The following KLF8 variants were observed in gnomAD, a reference collection of about 807,000 sequenced individuals.
KLF8 encodes Krueppel-like factor 8.
KLF8 carries 10 observed loss-of-function variants against 18.2 expected under a neutral mutation model. The ratio of observed to expected loss-of-function variants is 0.55; its 90% CI spans 0.34 to 0.93. The LOEUF (loss-of-function observed/expected upper bound fraction) is 0.93, where lower values mean the gene tolerates loss of function less well. Among genes scored for constraint, KLF8 ranks in the 40% least tolerant of loss-of-function variants. The pLI is 0.02. For synonymous variants in KLF8, 109 were observed against 97.3 expected (o/e 1.12, Z -0.71); for missense variants, 264 against 277.9 (o/e 0.95, Z 0.36).
the KLF8 span, among the ~76,000 whole-genome samples, chrX:55,993,255 T>G: frequency 8.9e-6 from 1 of 111,769 alleles, no homozygotes; most frequent in South Asian, 3.7e-4. Context: ...TTGCTGTTAT[T>G]ATTTTGACGT....
chrX:56,188,220 C>T, the KLF8 span, among the ~76,000 whole-genome samples: 1 of 111,356 alleles, frequency 9.0e-6, no homozygotes, highest in Non-Finnish European at 1.9e-5. Flanking sequence ...TTCTTATACA[C>T]CAATAACAGA....
the KLF8 span, among the ~76,000 whole-genome samples, chrX:56,084,074 A>G: frequency 4.5e-5 from 5 of 111,894 alleles, no homozygotes; most frequent in East Asian, 2.8e-4. Context: ...TAAAATTGTC[A>G]CTATAAAAAG....
chrX:55,988,771 G>T, the KLF8 span, among the ~76,000 whole-genome samples: 12 of 111,622 alleles, frequency 1.1e-4, no homozygotes, highest in East Asian at 3.4e-3. Context: ...GGATGGCATT[G>T]AATCTTTAAA....
At position 56,265,224 on chromosome X, in the gene KLF8, C is replaced by A. The variant is rs764820126; in HGVS notation, c.126C>A (p.Tyr42Ter). 1 of 1,207,371 alleles carries A rather than the reference C, an allele frequency of 8.3e-7. No homozygotes were observed. The change falls in exon 3 of 6, where the codon TAC becomes TAA. Residue 42 changes from tyrosine (Y) to a stop codon, truncating the protein, a stop_gained. Transcript: ENST00000468660. LOFTEE classifies it high-confidence loss of function. Reference sequence around the variant, plus strand: ...ACAGAGATCCCCCTGAGATAGAATACAGAAGTAATATGACTTCTCCAACAC... The same window carrying A: ...ACAGAGATCCCCCTGAGATAGAATAAAGAAGTAATATGACTTCTCCAACAC... ...VRNRDPPEIE[Y>*]RSNMTSPTLL...
intron 1 of KLF8, among the ~76,000 whole-genome samples, chrX:56,244,476 C>T (rs1345578014): frequency 8.9e-6 from 1 of 112,036 alleles, no homozygotes; most frequent in Non-Finnish European, 1.9e-5. Context: ...GCATGAGCCA[C>T]TGTGCCAGGC....
the KLF8 span, among the ~76,000 whole-genome samples, chrX:56,110,563 A>AT: frequency 1.0e-4 from 11 of 110,329 alleles, no homozygotes; most frequent in East Asian, 5.7e-4. Context: ...TTTTTGTTTG[A>AT]TTTTTTCTAG....
the KLF8 span, among the ~76,000 whole-genome samples, chrX:56,069,627 G>T: frequency 3.6e-5 from 4 of 111,366 alleles, no homozygotes; most frequent in Non-Finnish European, 5.7e-5. Flanking sequence ...TTGCTAAGGG[G>T]TGCAGCCCCC....
the KLF8 span, among the ~76,000 whole-genome samples, chrX:56,145,105 G>A: frequency 1.2e-4 from 13 of 111,209 alleles, no homozygotes; most frequent in African/African-American, 3.9e-4. Context: ...AATGCATAGA[G>A]AACTTTTAAA....
the KLF8 span, among the ~76,000 whole-genome samples, chrX:56,095,368 C>T: frequency 8.9e-6 from 1 of 112,462 alleles, no homozygotes; most frequent in Admixed American, 9.4e-5. Flanking sequence ...TATAAGAACA[C>T]TAGAAGAAAA....
At chrX:56,148,685 A>G in the KLF8 span, among the ~76,000 whole-genome samples, 1 of 112,079 alleles carries the variant, frequency 8.9e-6, no homozygotes, top group African/African-American at 3.2e-5. Flanking sequence ...AGATAAAGAA[A>G]AAGCCAAGGG....
chrX:55,923,844 G>A, the KLF8 span, among the ~76,000 whole-genome samples: 1 of 109,903 alleles, frequency 9.1e-6, no homozygotes, highest in African/African-American at 3.3e-5. Context: ...TTTGGATTCA[G>A]CAAATACTTA....
chrX:55,925,500 C>T, the KLF8 span, among the ~76,000 whole-genome samples: 28 of 111,181 alleles, frequency 2.5e-4, no homozygotes, highest in African/African-American at 9.2e-4. Context: ...TGCCAGGCAC[C>T]ATGCCAAGCA....
At chrX:56,233,905 T>C (rs559243203) in intron 1 of KLF8, among the ~76,000 whole-genome samples, 1 of 111,406 alleles carries the variant, frequency 9.0e-6, no homozygotes, top group South Asian at 3.7e-4. Flanking sequence ...GGGCTGAGCT[T>C]GGTTGGAGAA....
At chrX:56,151,322 A>G in the KLF8 span, among the ~76,000 whole-genome samples, 1 of 111,937 alleles carries the variant, frequency 8.9e-6, no homozygotes, top group East Asian at 2.8e-4. Flanking sequence ...GTACAACTAT[A>G]GAAGTATTCT....
Position 56,233,354 on chromosome X carries a change from G to A in KLF8, c.7+13G>A, listed in dbSNP as rs2066425287. 1 of 1,147,398 alleles carries A rather than the reference G, an allele frequency of 8.7e-7. No individual in the cohort carries two copies. The highest frequency in any genetic ancestry group is 1.2e-6 in the Non-Finnish European group (1 of 836,901). The allele number at this position is 1,147,398 out of a possible 1,213,427, so 94.6% of individuals were successfully genotyped here. A position where few individuals can be genotyped will look rare whatever the true frequency, so the allele number is the denominator to read the frequency against. On this transcript the variant is annotated intron_variant, in intron 1 of 5. Coordinates refer to ENST00000468660, the MANE Select transcript of KLF8 (RefSeq NM_007250.5). Reference sequence around the variant, plus strand: ...AGTGACATGGTCGGTAAGTGACTCTGGGACTAATACCCACCCACTCCCACC... The same window carrying A: ...AGTGACATGGTCGGTAAGTGACTCTAGGACTAATACCCACCCACTCCCACC...
At chrX:56,124,397 A>G in the KLF8 span, among the ~76,000 whole-genome samples, 3 of 112,191 alleles carry the variant, frequency 2.7e-5, no homozygotes, top group Admixed American at 9.5e-5. Context: ...TGGGAATAAC[A>G]GAGTCTAGAT....
the KLF8 span, among the ~76,000 whole-genome samples, chrX:56,052,056 T>C: frequency 3.6e-5 from 4 of 112,059 alleles, no homozygotes; most frequent in Non-Finnish European, 7.5e-5. Context: ...TCCAGTTGAT[T>C]GCATCGGCTC....
At chrX:56,010,015 G>A in the KLF8 span, among the ~76,000 whole-genome samples, 1 of 111,858 alleles carries the variant, frequency 8.9e-6, no homozygotes, top group Non-Finnish European at 1.9e-5. Flanking sequence ...GGAGAGAATG[G>A]AGCCAAGTTG....
the KLF8 span, among the ~76,000 whole-genome samples, chrX:55,955,976 C>T: frequency 2.7e-5 from 3 of 111,230 alleles, no homozygotes; most frequent in African/African-American, 9.8e-5. Flanking sequence ...ATTTCTGCAT[C>T]CATTTAGAGG....
Sources: gnomAD v4.1 joint callset for allele counts (sites outside exome capture counted in the v4.1 genomes callset) on GRCh38, gnomAD v4.1.1 for gene constraint, MANE v1.5 for transcripts, NCBI Gene and HGNC (gene_info 2026-07-23, HGNC 2026-07-21) for gene names.